PDE10A: variants seen among roughly 807,000 people sequenced by gnomAD.
PDE10A encodes phosphodiesterase 10A, also known as cAMP and cAMP-inhibited cGMP 3',5'-cyclic phosphodiesterase 10A.
Under a neutral mutation model 97.7 loss-of-function variants are expected in PDE10A, and 39 were observed. The observed-to-expected ratio is 0.40, with a 90% CI of 0.31 to 0.52. PDE10A has a LOEUF of 0.52. Ranked by LOEUF, PDE10A falls within the 20% of genes least tolerant of loss-of-function variation. PDE10A has a pLI of 0.56. For missense variants in PDE10A, 731 were observed against 1,047.8 expected, an observed-to-expected ratio of 0.70 and a Z score of 4.17; for synonymous variants, 371 against 376.8, an observed-to-expected ratio of 0.98 and a Z score of 0.18.
intron 13 of PDE10A, among the ~76,000 whole-genome samples, chr6:165,410,781 A>G (rs1348496422): frequency 6.6e-6 from 1 of 151,790 alleles, no homozygotes; most frequent in Non-Finnish European, 1.5e-5. Flanking sequence ...GAAACACCAG[A>G]CAAATCCAAA....
At chr6:165,675,086 G>A (rs372205826) in intron 1 of PDE10A, among the ~76,000 whole-genome samples, 1 of 152,138 alleles carries the variant, frequency 6.6e-6, no homozygotes, top group Admixed American at 6.5e-5. Flanking sequence ...TGAAGACATC[G>A]CAATAATTTA....
At chr6:165,950,787 G>A (rs1023686457) in intron 1 of PDE10A, among the ~76,000 whole-genome samples, 5 of 152,180 alleles carry the variant, frequency 3.3e-5, no homozygotes, top group African/African-American at 1.2e-4. Context: ...TTACAGGATG[G>A]TGAGTATCCT....
chr6:165,377,847 A>C (rs533867007), intron 18 of PDE10A, among the ~76,000 whole-genome samples: 1 of 152,326 alleles, frequency 6.6e-6, no homozygotes, highest in South Asian at 2.1e-4. Context: ...CTGAAGGAAA[A>C]GAAAGACATG....
intron 1 of PDE10A, among the ~76,000 whole-genome samples, chr6:165,964,785 A>C (rs774361835): frequency 6.6e-6 from 1 of 152,250 alleles, no homozygotes; most frequent in Non-Finnish European, 1.5e-5. Flanking sequence ...CTCTGGGTAC[A>C]CAGATGGACC....
chr6:165,622,672 A>T (rs556331955), intron 1 of PDE10A, among the ~76,000 whole-genome samples: 1 of 152,368 alleles, frequency 6.6e-6, no homozygotes, highest in South Asian at 2.1e-4. Context: ...ACACACACAC[A>T]AAGTGGGGCC....
At chr6:165,984,164 T>TA (rs375811955) in intron 1 of PDE10A, among the ~76,000 whole-genome samples, 86 of 152,156 alleles carry the variant, frequency 5.7e-4, no homozygotes, top group Non-Finnish European at 9.3e-4. Context: ...ATTTTTATGC[T>TA]AAAAAAAACT....
intron 1 of PDE10A, among the ~76,000 whole-genome samples, chr6:165,683,772 C>A (rs1257485748): frequency 6.6e-6 from 1 of 152,124 alleles, no homozygotes; most frequent in East Asian, 1.9e-4. Context: ...AAAGATGGTA[C>A]CTTTGTACGT....
intron 1 of PDE10A, among the ~76,000 whole-genome samples, chr6:165,691,106 T>TTTCTCTCCCC (rs1554305963): frequency 5.1e-5 from 2 of 39,094 alleles, no homozygotes; most frequent in African/African-American, 2.2e-4. Flanking sequence ...TCTTTCTCTC[T>TTTCTCTCCCC]CCCCCCCCCC....
At position 165,451,244 on chromosome 6, in the gene PDE10A, T is replaced by A. The variant is rs533252864; in HGVS notation, c.1024-882A>T. On this transcript the variant is annotated intron_variant, in intron 3 of 21. Transcript: ENST00000539869. ...GCACAAGGCTTCATCATGGCACCAG[T>A]GGAAACAGCAGGTGGACAGGGAGAT... 3.9e-4 allele frequency among the ~76,000 whole-genome samples: 59 copies of A among 152,228 alleles called. 1 individual carries two copies. The highest frequency in any genetic ancestry group is 1.4e-3 in the African/African-American group (59 of 41,538).
At chr6:165,921,577 C>T (rs571817919) in intron 1 of PDE10A, among the ~76,000 whole-genome samples, 47 of 152,256 alleles carry the variant, frequency 3.1e-4, no homozygotes, top group African/African-American at 1.1e-3. Flanking sequence ...ACAGGCTGGG[C>T]CAGCTAAGCT....
rs193141903 is a variant in PDE10A, at chr6:165,698,684, T to G, written c.-614-155116A>C. ...GGCCAACATGTTGAAACCCCATCTC[T>G]ACTAAAAATACAAAAATTAGCCAGA... On this transcript the variant is annotated intron_variant, in intron 1 of 19. Transcript: ENST00000366882. Among the ~76,000 whole-genome samples the G allele has an allele frequency of 9.6e-3, 1,462 of 152,222 alleles. 23 individuals carry two copies. Among genetic ancestry groups the G allele is most frequent in the African/African-American group, 0.033 (1,390 of 41,524 alleles).
intron 1 of PDE10A, among the ~76,000 whole-genome samples, chr6:165,943,182 AG>A (rs1211819906): frequency 4.2e-5 from 2 of 47,450 alleles, no homozygotes; most frequent in South Asian, 1.1e-3. Context: ...GAAAAAAGAA[AG>A]AAAGAAAGAA....
chr6:165,498,581 T>C (rs1780689131), intron 2 of PDE10A, among the ~76,000 whole-genome samples: 1 of 151,510 alleles, frequency 6.6e-6, no homozygotes, highest in South Asian at 2.1e-4. Flanking sequence ...CTCTGAGGTA[T>C]ACAAGATTCC....
chr6:165,881,404 T>A (rs1314591656), intron 1 of PDE10A, among the ~76,000 whole-genome samples: 8 of 144,580 alleles, frequency 5.5e-5, no homozygotes, highest in African/African-American at 1.8e-4. Context: ...TTTTTTTTTT[T>A]TTTTTTTTTT....
chr6:165,940,206 T>C (rs1054423055), intron 1 of PDE10A: 1 of 152,232 alleles, frequency 6.6e-6, no homozygotes, highest in Non-Finnish European at 1.5e-5. Context: ...CAGCAATATG[T>C]TGTAGTGTCT....
chr6:165,628,893 G>A (rs931381821), intron 1 of PDE10A, among the ~76,000 whole-genome samples: 5 of 151,994 alleles, frequency 3.3e-5, no homozygotes, highest in Non-Finnish European at 5.9e-5. Flanking sequence ...GAAATGCTGA[G>A]GTTTTTTAAA....
intron 1 of PDE10A, among the ~76,000 whole-genome samples, chr6:165,984,973 T>C (rs1032760907): frequency 3.0e-4 from 45 of 152,152 alleles, no homozygotes; most frequent in African/African-American, 1.0e-3. Context: ...TTCTGTGACT[T>C]GGTGTTTCTT....
intron 1 of PDE10A, among the ~76,000 whole-genome samples, chr6:165,884,716 G>C (rs1466304371): frequency 1.3e-5 from 2 of 152,152 alleles, no homozygotes; most frequent in African/African-American, 4.8e-5. Context: ...CACTTAAAGA[G>C]GAACACAGAA....
At chr6:165,642,353 G>T (rs1035435815) in intron 1 of PDE10A, among the ~76,000 whole-genome samples, 2 of 152,232 alleles carry the variant, frequency 1.3e-5, no homozygotes, top group Non-Finnish European at 2.9e-5. Flanking sequence ...GCTCCCTGAG[G>T]TCATGGACGT....
Sources: allele counts gnomAD v4.1 joint callset (sites outside exome capture counted in the v4.1 genomes callset), GRCh38; gene constraint gnomAD v4.1.1; transcripts MANE v1.5; gene names NCBI Gene and HGNC (gene_info 2026-07-23, HGNC 2026-07-21).